The following MEOX2 variants were observed in gnomAD, a reference collection of about 807,000 sequenced individuals.
The protein encoded by MEOX2 is mesenchyme homeobox 2, also known as homeobox protein MOX-2.
A neutral mutation model predicts 27.0 loss-of-function variants in MEOX2; 11 were observed. The observed-to-expected ratio is 0.41, with a 90% CI of 0.26 to 0.68. The LOEUF (loss-of-function observed/expected upper bound fraction) is 0.68. MEOX2 is among the 30% of genes least tolerant of loss of function. The probability of loss-of-function intolerance (pLI) is 0.33; values close to 1 mark genes in which losing one functional copy is unlikely to be tolerated. For synonymous variants in MEOX2, 189 were observed against 155.4 expected (o/e 1.22, Z -1.61); for missense variants, 436 against 385.4 (o/e 1.13, Z -1.10).
chr7:15,651,127 A>G (rs1297741592), intron 1 of MEOX2, among the ~76,000 whole-genome samples: 1 of 152,054 alleles, frequency 6.6e-6, no homozygotes, highest in Non-Finnish European at 1.5e-5. Flanking sequence ...TCTTGTTAAT[A>G]GGAAGCCATT....
At chr7:15,664,678 C>T (rs1326243200) in intron 1 of MEOX2, among the ~76,000 whole-genome samples, 4 of 152,184 alleles carry the variant, frequency 2.6e-5, no homozygotes, top group Non-Finnish European at 5.9e-5. Context: ...TAATTCCTAA[C>T]ATTTTCTCTT....
At chr7:15,668,939 A>T (rs915725828) in intron 1 of MEOX2, among the ~76,000 whole-genome samples, 7 of 152,174 alleles carry the variant, frequency 4.6e-5, no homozygotes, top group Non-Finnish European at 8.8e-5. Context: ...TACGCAAACT[A>T]TTTCTTCTAA....
At chr7:15,658,672 G>C (rs1781862704) in intron 1 of MEOX2, among the ~76,000 whole-genome samples, 1 of 152,088 alleles carries the variant, frequency 6.6e-6, no homozygotes, top group Non-Finnish European at 1.5e-5. Context: ...GGAGGTAATA[G>C]GTCACAAGAC....
intron 1 of MEOX2, among the ~76,000 whole-genome samples, chr7:15,639,578 CT>C (rs138256379): frequency 0.011 from 1,665 of 151,724 alleles, 25 homozygotes; most frequent in African/African-American, 0.039. Flanking sequence ...AGATTTTCCT[CT>C]TTTTTTTATA....
At chr7:15,648,418 C>T (rs968231691) in intron 1 of MEOX2, among the ~76,000 whole-genome samples, 2 of 152,106 alleles carry the variant, frequency 1.3e-5, no homozygotes, top group Admixed American at 1.3e-4. Context: ...GCGTAAATTA[C>T]ATCCCAGAGT....
intron 1 of MEOX2, 43 bp from the exon 2 acceptor site, chr7:15,626,961 C>T: frequency 6.5e-7 from 1 of 1,543,532 alleles, no homozygotes; most frequent in Non-Finnish European, 8.9e-7. Flanking sequence ...CTCATTTATT[C>T]AAACACATGC....
chr7:15,647,725 C>A (rs1781673979), intron 1 of MEOX2, among the ~76,000 whole-genome samples: 3 of 152,006 alleles, frequency 2.0e-5, no homozygotes, highest in Admixed American at 2.0e-4. Context: ...AGTTTTATTT[C>A]AATTTTCTTG....
chr7:15,620,103 A>G (rs1344088447), intron 2 of MEOX2, among the ~76,000 whole-genome samples: 1 of 152,064 alleles, frequency 6.6e-6, no homozygotes, highest in Admixed American at 6.6e-5. Flanking sequence ...TTTAATATTA[A>G]AATCCCCTCT....
chr7:15,613,128 A>T (rs1236999867), intron 2 of MEOX2, among the ~76,000 whole-genome samples: 2 of 152,166 alleles, frequency 1.3e-5, no homozygotes, highest in Non-Finnish European at 2.9e-5. Flanking sequence ...ATTCCACCTC[A>T]CACTGAGCCT....
chr7:15,634,104 C>T (rs549277564), intron 1 of MEOX2, among the ~76,000 whole-genome samples: 2 of 151,792 alleles, frequency 1.3e-5, no homozygotes, highest in South Asian at 4.1e-4. Context: ...TAGAAAAGTA[C>T]CAAATCAGTC....
intron 2 of MEOX2, among the ~76,000 whole-genome samples, chr7:15,613,085 A>T (rs570605592): frequency 1.3e-5 from 2 of 152,258 alleles, no homozygotes; most frequent in African/African-American, 4.8e-5. Flanking sequence ...GCCATCAGAA[A>T]CTACTGCTGC....
intron 1 of MEOX2, among the ~76,000 whole-genome samples, chr7:15,668,449 T>C (rs1583784435): frequency 6.6e-6 from 1 of 152,130 alleles, no homozygotes; most frequent in African/African-American, 2.4e-5. Context: ...TGGGCAATAG[T>C]AGGCTAGTAG....
intron 1 of MEOX2, among the ~76,000 whole-genome samples, chr7:15,673,597 C>CAAAAAAAAAAA (rs35223717): frequency 2.6e-5 from 2 of 76,192 alleles, no homozygotes; most frequent in Non-Finnish European, 2.5e-5. Context: ...ACAAGTCTAT[C>CAAAAAAAAAAA]AAAAAAAAAA....
chr7:15,619,858 T>C (rs985877123), intron 2 of MEOX2, among the ~76,000 whole-genome samples: 1 of 152,098 alleles, frequency 6.6e-6, no homozygotes, highest in African/African-American at 2.4e-5. Flanking sequence ...AGTTACTTAT[T>C]TCTTAGTCTT....
intron 1 of MEOX2, among the ~76,000 whole-genome samples, chr7:15,647,526 T>C (rs1419137297): frequency 1.3e-5 from 2 of 152,104 alleles, no homozygotes; most frequent in African/African-American, 4.8e-5. Context: ...TTCTTAGCAA[T>C]CTTATGCATT....
chr7:15,626,360 C>G (rs1781305819), intron 2 of MEOX2, among the ~76,000 whole-genome samples: 1 of 152,002 alleles, frequency 6.6e-6, no homozygotes, highest in African/African-American at 2.4e-5. Context: ...TTATCATGAC[C>G]TATCCTGAGC....
intron 1 of MEOX2, among the ~76,000 whole-genome samples, chr7:15,685,179 TG>T (rs1301737151): frequency 6.6e-6 from 1 of 152,232 alleles, no homozygotes; most frequent in Non-Finnish European, 1.5e-5. Context: ...TTACACCACA[TG>T]GACATGTACT....
intron 1 of MEOX2, among the ~76,000 whole-genome samples, chr7:15,660,227 G>A (rs1441484427): frequency 1.3e-5 from 2 of 152,132 alleles, no homozygotes; most frequent in Non-Finnish European, 2.9e-5. Flanking sequence ...AATGTCCTAT[G>A]GAAAATCATA....
intron 1 of MEOX2, among the ~76,000 whole-genome samples, chr7:15,651,507 A>T (rs1186166952): frequency 6.6e-6 from 1 of 152,008 alleles, no homozygotes; most frequent in African/African-American, 2.4e-5. Context: ...ATAATATCTA[A>T]CCTCTAGAGT....
Sources: allele counts gnomAD v4.1 joint callset (sites outside exome capture counted in the v4.1 genomes callset), GRCh38; gene constraint gnomAD v4.1.1; transcripts MANE v1.5; gene names NCBI Gene and HGNC (gene_info 2026-07-23, HGNC 2026-07-21).